Variants in PPP6R3 observed in about 807,000 individuals in gnomAD.
PPP6R3 encodes the protein protein phosphatase 6 regulatory subunit 3, also known as serine/threonine-protein phosphatase 6 regulatory subunit 3.
PPP6R3 carries 38 observed loss-of-function variants against 110.7 expected under a neutral mutation model. The observed-to-expected ratio is 0.34, with a 90% confidence interval of 0.26 to 0.45. The LOEUF is 0.45. PPP6R3 is among the 20% of genes least tolerant of loss of function. The pLI, the probability that PPP6R3 is intolerant of heterozygous loss-of-function variation, is 1.00. For missense variants in PPP6R3, 870 were observed against 1,062.4 expected, an observed-to-expected ratio of 0.82 and a Z score of 2.52; for synonymous variants, 369 against 373.5, an observed-to-expected ratio of 0.99 and a Z score of 0.14.
At chr11:68,502,243 A>C (rs1044623985) in intron 1 of PPP6R3, among the ~76,000 whole-genome samples, 1 of 152,238 alleles carries the variant, frequency 6.6e-6, no homozygotes, top group African/African-American at 2.4e-5. Context: ...TTATGTCCAA[A>C]ATATTATTTC....
At chr11:68,509,916 A>T (rs1258843384) in intron 1 of PPP6R3, among the ~76,000 whole-genome samples, 3 of 141,100 alleles carry the variant, frequency 2.1e-5, no homozygotes, top group African/African-American at 2.6e-5. Context: ...CACTCGGCAA[A>T]TTTTTTTTTT....
At chr11:68,582,903 C>A in intron 14 of PPP6R3, 140 bp from the exon 15 acceptor site, 1 of 684,036 alleles carries the variant, frequency 1.5e-6, no homozygotes, top group Non-Finnish European at 2.4e-6. Flanking sequence ...GCGGGTTTGG[C>A]AGCTTAACTG....
At chr11:68,508,103 C>G (rs1286384563) in intron 1 of PPP6R3, among the ~76,000 whole-genome samples, 1 of 142,292 alleles carries the variant, frequency 7.0e-6, no homozygotes, top group African/African-American at 2.7e-5. Flanking sequence ...TTTCCCCGGC[C>G]TAAGTGAGTT....
At position 68,481,481 on chromosome 11, in the gene PPP6R3, C is replaced by A. The variant is rs531057906; in HGVS notation, c.-158+20654C>A. ...GCATAGGCAATGTAACTTCATCAAA[C>A]TTCAAAGAGCCAAGCTTGATAATCT... On this transcript the variant is annotated intron_variant, in intron 1 of 23. Coordinates refer to ENST00000393800, the MANE Select transcript of PPP6R3 (RefSeq NM_001164161.2). Among the ~76,000 whole-genome samples the A allele has an allele frequency of 2.0e-5, 3 of 152,312 alleles. No individual in the cohort carries two copies. In the South Asian group the frequency reaches 6.2e-4, roughly 32 times the overall value.
chr11:68,508,121 C>CTT (rs748376581), intron 1 of PPP6R3, among the ~76,000 whole-genome samples: 2,205 of 77,588 alleles, frequency 0.028, 8 homozygotes, highest in Non-Finnish European at 0.033. Context: ...GTTTTTTGGC[C>CTT]TTTTTTTTTT....
chr11:68,554,328 T>C (rs917789298), intron 7 of PPP6R3, 71 bp downstream of exon 7: 5 of 1,194,182 alleles, frequency 4.2e-6, no homozygotes, highest in East Asian at 5.0e-5. Flanking sequence ...TTGTGAGTGA[T>C]TGGTAAGTGT....
intron 1 of PPP6R3, among the ~76,000 whole-genome samples, chr11:68,495,865 G>C (rs1049482569): frequency 3.3e-5 from 5 of 152,150 alleles, no homozygotes; most frequent in African/African-American, 9.7e-5. Flanking sequence ...AGAATTGTTG[G>C]GTCATATGGA....
At chr11:68,475,825 G>C (rs1162062839) in intron 1 of PPP6R3, among the ~76,000 whole-genome samples, 87 of 151,884 alleles carry the variant, frequency 5.7e-4, no homozygotes, top group African/African-American at 1.9e-3. Flanking sequence ...TTCTCAGACG[G>C]GGTGGCCGGG....
intron 10 of PPP6R3, among the ~76,000 whole-genome samples, chr11:68,568,513 C>A (rs1461443979): frequency 6.6e-6 from 1 of 152,100 alleles, no homozygotes; most frequent in African/African-American, 2.4e-5. Flanking sequence ...TTTAGAAATT[C>A]TTTCCCTTTT....
intron 3 of PPP6R3, among the ~76,000 whole-genome samples, chr11:68,542,737 GC>G (rs2099326733): frequency 6.6e-6 from 1 of 152,162 alleles, no homozygotes; most frequent in Admixed American, 6.5e-5. Context: ...AAGGAGAGTA[GC>G]CCCAGCCTGT....
intron 9 of PPP6R3, among the ~76,000 whole-genome samples, chr11:68,565,106 C>G (rs529650204): frequency 6.6e-6 from 1 of 150,604 alleles, no homozygotes; most frequent in East Asian, 2.0e-4. Context: ...TTTTTCCTGC[C>G]CTATATCATT....
At chr11:68,553,288 T>G (rs1018153221) in intron 6 of PPP6R3, among the ~76,000 whole-genome samples, 1 of 151,114 alleles carries the variant, frequency 6.6e-6, no homozygotes, top group South Asian at 2.1e-4. Context: ...CTGTATTTGC[T>G]TTTACTTTTT....
intron 1 of PPP6R3, among the ~76,000 whole-genome samples, chr11:68,513,885 G>A (rs1187882280): frequency 1.7e-4 from 26 of 152,130 alleles, no homozygotes; most frequent in Non-Finnish European, 8.8e-5. Context: ...GTCCTTTTTT[G>A]TATATCTGCA....
chr11:68,592,134 T>C (rs1249008558), intron 18 of PPP6R3, among the ~76,000 whole-genome samples: 2 of 152,134 alleles, frequency 1.3e-5, no homozygotes, highest in African/African-American at 4.8e-5. Context: ...TCAATTAATA[T>C]ATCTGGGTCA....
At chr11:68,525,687 ATCTG>A (rs1369428549) in intron 2 of PPP6R3, among the ~76,000 whole-genome samples, 2 of 152,220 alleles carry the variant, frequency 1.3e-5, no homozygotes, top group African/African-American at 4.8e-5. Flanking sequence ...TAAGTTGCCA[ATCTG>A]TCTTTCATTA....
chr11:68,515,318 G>C (rs1412055623), intron 1 of PPP6R3, among the ~76,000 whole-genome samples: 1 of 152,306 alleles, frequency 6.6e-6, no homozygotes, highest in Non-Finnish European at 1.5e-5. Context: ...GGACCAGCCT[G>C]TCGGGGGCTT....
At chr11:68,611,567 T>C (rs1041585330) in intron 23 of PPP6R3, among the ~76,000 whole-genome samples, 4 of 152,140 alleles carry the variant, frequency 2.6e-5, no homozygotes, top group African/African-American at 9.7e-5. Context: ...TATCCATCTG[T>C]CCTTCTTTCC....
intron 2 of PPP6R3, among the ~76,000 whole-genome samples, chr11:68,521,887 T>C (rs2099165992): frequency 6.6e-6 from 1 of 152,172 alleles, no homozygotes; most frequent in Admixed American, 6.5e-5. Context: ...ACCTAATTGG[T>C]CTTTAAAGTC....
intron 17 of PPP6R3, 64 bp downstream of exon 17, chr11:68,590,778 G>GT: frequency 1.4e-6 from 2 of 1,457,936 alleles, no homozygotes; most frequent in Non-Finnish European, 9.2e-7. Flanking sequence ...GTGAGTCCCT[G>GT]TGTGGATGCC....
Sources: allele counts gnomAD v4.1 joint callset (sites outside exome capture counted in the v4.1 genomes callset), GRCh38; gene constraint gnomAD v4.1.1; transcripts MANE v1.5; gene names NCBI Gene and HGNC (gene_info 2026-07-23, HGNC 2026-07-21).